Variants in NCAM2 observed in about 807,000 individuals in gnomAD.
NCAM2 encodes the protein N-CAM-2.
In NCAM2, 30 loss-of-function variants were observed where a neutral mutation model predicts 98.1. The ratio of observed to expected loss-of-function variants is 0.31; its 90% CI spans 0.23 to 0.41. The LOEUF is 0.41. NCAM2 is among the 10% of genes least tolerant of loss of function. The pLI, the probability that NCAM2 is intolerant of heterozygous loss-of-function variation, is 1.00. For missense variants in NCAM2, 867 were observed against 1,005.8 expected (o/e 0.86, Z 1.87); for synonymous variants, 368 against 342.4 (o/e 1.07, Z -0.83).
intron 5 of NCAM2, among the ~76,000 whole-genome samples, chr21:21,316,232 G>A (rs936140539): frequency 1.3e-5 from 2 of 152,030 alleles, no homozygotes; most frequent in Non-Finnish European, 2.9e-5. Flanking sequence ...ATCAAAGGTG[G>A]AAATAATGCT....
At chr21:21,100,615 A>G (rs9975237) in intron 1 of NCAM2, among the ~76,000 whole-genome samples, 292 of 152,158 alleles carry the variant, frequency 1.9e-3, no homozygotes, top group African/African-American at 6.4e-3. Context: ...ATAAAAGACA[A>G]TTACTTCAGT....
chr21:21,452,973 A>T (rs867414216), intron 12 of NCAM2, among the ~76,000 whole-genome samples: 4,778 of 88,768 alleles, frequency 0.054, 131 homozygotes, highest in South Asian at 0.1. Flanking sequence ...ATTATATATT[A>T]TTATATATTA....
intron 16 of NCAM2, among the ~76,000 whole-genome samples, chr21:21,530,206 T>TG (rs1989571274): frequency 4.0e-4 from 34 of 84,136 alleles, no homozygotes; most frequent in African/African-American, 1.3e-3. Context: ...TAATTATATA[T>TG]AATTTAATTT....
At chr21:21,265,239 G>T (rs1185267800) in intron 1 of NCAM2, among the ~76,000 whole-genome samples, 2 of 124,310 alleles carry the variant, frequency 1.6e-5, no homozygotes, top group Admixed American at 8.9e-5. Context: ...ATATATGCAT[G>T]TGTATGTGTA....
At chr21:21,015,180 A>G (rs1218232130) in intron 1 of NCAM2, among the ~76,000 whole-genome samples, 1 of 151,806 alleles carries the variant, frequency 6.6e-6, no homozygotes, top group African/African-American at 2.4e-5. Context: ...TTAGAATATT[A>G]CATACACTTA....
At chr21:21,030,701 T>C (rs2064662875) in intron 1 of NCAM2, among the ~76,000 whole-genome samples, 1 of 152,216 alleles carries the variant, frequency 6.6e-6, no homozygotes, top group African/African-American at 2.4e-5. Flanking sequence ...TGAGTGGTAT[T>C]AAGGGAGGTA....
At chr21:21,494,717 G>A (rs1337581500) in intron 15 of NCAM2, among the ~76,000 whole-genome samples, 1 of 151,866 alleles carries the variant, frequency 6.6e-6, no homozygotes, top group Admixed American at 6.6e-5. Context: ...ATAATAATGT[G>A]AAATGTCAGT....
intron 1 of NCAM2, among the ~76,000 whole-genome samples, chr21:21,033,345 A>G (rs1465729378): frequency 6.6e-6 from 1 of 152,178 alleles, no homozygotes; most frequent in Non-Finnish European, 1.5e-5. Context: ...GTCCCCTGAA[A>G]CTTTGATAAT....
intron 8 of NCAM2, among the ~76,000 whole-genome samples, chr21:21,358,043 A>G (rs185724506): frequency 1.3e-5 from 2 of 152,286 alleles, no homozygotes; most frequent in East Asian, 3.9e-4. Context: ...TATAGATAAT[A>G]GCATGCATTA....
chr21:21,526,070 G>C (rs1989305270), intron 16 of NCAM2, among the ~76,000 whole-genome samples: 1 of 152,008 alleles, frequency 6.6e-6, no homozygotes, highest in South Asian at 2.1e-4. Flanking sequence ...ACTAGAAGCT[G>C]TCCCCACTAT....
chr21:21,156,676 A>G (rs981157499), intron 1 of NCAM2, among the ~76,000 whole-genome samples: 1 of 151,998 alleles, frequency 6.6e-6, no homozygotes, highest in Non-Finnish European at 1.5e-5. Flanking sequence ...TTCTTTAATG[A>G]TATTTTTTAG....
chr21:21,382,937 A>G (rs769358740), intron 9 of NCAM2, among the ~76,000 whole-genome samples: 1 of 151,608 alleles, frequency 6.6e-6, no homozygotes, highest in Non-Finnish European at 1.5e-5. Context: ...CATTTTATCT[A>G]TTTTAGAATA....
At chr21:21,034,853 G>GA (rs61022109) in intron 1 of NCAM2, among the ~76,000 whole-genome samples, 152,228 of 152,228 alleles carry the variant, frequency 1, 76,114 homozygotes, top group Non-Finnish European at 1. Context: ...ATTATTTGCA[G>GA]AAGTATAGTA....
Position 21,403,147 on chromosome 21 carries a change from G to GT in NCAM2, c.1196-7119dup, listed in dbSNP as rs552260405. On this transcript the variant is annotated intron_variant, in intron 9 of 17. Transcript: ENST00000400546. ...TGCCCATTTTAAAATCAGATTATGTGTTTTTTTTGCTATTGAATTTTCTCC... is the reference window on the plus strand; with the variant it reads ...TGCCCATTTTAAAATCAGATTATGTGTTTTTTTTTGCTATTGAATTTTCTCC... 2.9e-3 allele frequency among the ~76,000 whole-genome samples: 434 copies of GT among 151,744 alleles called. 4 individuals are homozygous for GT. Among genetic ancestry groups the GT allele is most frequent in the African/African-American group, 9.8e-3 (406 of 41,382 alleles).
chr21:21,448,044 A>G (rs145318679), intron 12 of NCAM2, among the ~76,000 whole-genome samples: 1 of 152,184 alleles, frequency 6.6e-6, no homozygotes, highest in South Asian at 2.1e-4. Context: ...CCATTACTGC[A>G]TATATACCCA....
intron 1 of NCAM2, among the ~76,000 whole-genome samples, chr21:21,221,856 A>G (rs983512485): frequency 1.3e-5 from 2 of 152,160 alleles, no homozygotes; most frequent in African/African-American, 4.8e-5. Flanking sequence ...TTCTATTGGA[A>G]GGAGATACCA....
At chr21:21,284,710 A>AT (rs764192649) in intron 3 of NCAM2, among the ~76,000 whole-genome samples, 31 of 148,950 alleles carry the variant, frequency 2.1e-4, no homozygotes, top group South Asian at 8.5e-4. Context: ...TTTATTCAGC[A>AT]TTTTTTTTTT....
At chr21:21,356,692 G>C (rs2826811) in intron 8 of NCAM2, among the ~76,000 whole-genome samples, 6 of 151,968 alleles carry the variant, frequency 3.9e-5, no homozygotes, top group South Asian at 2.1e-4. Flanking sequence ...GGAGTGTAGC[G>C]CTAAAAATAT....
intron 1 of NCAM2, among the ~76,000 whole-genome samples, chr21:21,009,013 A>G (rs926308139): frequency 6.6e-6 from 1 of 152,142 alleles, no homozygotes; most frequent in African/African-American, 2.4e-5. Flanking sequence ...GTGACCTTCC[A>G]TGTGAACTCC....
Sources: gnomAD v4.1 joint callset for allele counts (sites outside exome capture counted in the v4.1 genomes callset) on GRCh38, gnomAD v4.1.1 for gene constraint, MANE v1.5 for transcripts, NCBI Gene and HGNC (gene_info 2026-07-23, HGNC 2026-07-21) for gene names.